The following VASH1 variants were observed in gnomAD, a reference collection of about 807,000 sequenced individuals.
The protein encoded by VASH1 is vasohibin 1.
VASH1 carries 16 observed loss-of-function variants against 35.0 expected under a neutral mutation model. The ratio of observed to expected loss-of-function variants is 0.46; its 90% CI spans 0.31 to 0.70. The LOEUF (loss-of-function observed/expected upper bound fraction) is 0.70, where lower values mean the gene tolerates loss of function less well. Among genes scored for constraint, VASH1 ranks in the 30% least tolerant of loss-of-function variants. VASH1 has a pLI of 0.05. For missense variants in VASH1, 505 were observed against 510.7 expected (o/e 0.99, Z 0.11); for synonymous variants, 214 against 200.9 (o/e 1.07, Z -0.55).
Position 76,762,689 on chromosome 14 carries a change from A to G in VASH1, c.-133A>G, listed in dbSNP as rs1893534406. 2.7e-6 allele frequency: 2 copies of G among 742,014 alleles called. No homozygotes were observed. Among genetic ancestry groups the G allele is most frequent in the African/African-American group, 1.8e-5 (1 of 55,498 alleles). The allele number at this position is 742,014 out of a possible 1,614,324, so 46.0% of individuals were successfully genotyped here. A position where few individuals can be genotyped will look rare whatever the true frequency, so the allele number is the denominator to read the frequency against. ...TTTTTATCAAGTCGTATTTTATTGT[A>G]CAGGAGCCACGCCCTGATTTCTTAA... On this transcript the variant is annotated 5_prime_UTR_variant, in exon 1 of 7. Coordinates refer to ENST00000167106, the MANE Select transcript of VASH1 (RefSeq NM_014909.5).
Position 76,778,315 on chromosome 14 carries a change from G to T in VASH1, c.1025+244G>T, listed in dbSNP as rs113975558. On this transcript the variant is annotated intron_variant, in intron 6 of 6. Coordinates refer to ENST00000167106, the MANE Select transcript of VASH1 (RefSeq NM_014909.5). ...CCACTAGTCTGAGCATGGGTTATGT[G>T]AGAGAAAAGGTAGAAAGGATGGGGC... 5.3e-3 allele frequency among the ~76,000 whole-genome samples: 814 copies of T among 152,282 alleles called. 6 individuals carry two copies. The highest frequency in any genetic ancestry group is 0.019 in the African/African-American group (788 of 41,568).
In VASH1 at chr14:76,779,250, C is replaced by G. The variant is rs1224059942; in HGVS notation, c.*232C>G. The G allele has an allele frequency of 2.9e-6, 2 of 698,916 alleles. No homozygotes were observed. The highest frequency in any genetic ancestry group is 5.2e-6 in the Non-Finnish European group (2 of 384,332). The allele number at this position is 698,916 out of a possible 1,614,324, so 43.3% of individuals were successfully genotyped here. A position where few individuals can be genotyped will look rare whatever the true frequency, so the allele number is the denominator to read the frequency against. ...TTATTTGGAGTTTTTAACTCTACAA[C>G]TGAAGTTTAAGGTATTTGGGGAAAA... On this transcript the variant is annotated 3_prime_UTR_variant, in exon 7 of 7. Transcript: ENST00000167106.
At chr14:76,767,536 C>T (rs981958776) in intron 1 of VASH1, among the ~76,000 whole-genome samples, 2 of 152,132 alleles carry the variant, frequency 1.3e-5, no homozygotes, top group Non-Finnish European at 2.9e-5. Context: ...AGGAGTGCTC[C>T]CTGGGGAGAT....
In VASH1 at chr14:76,779,234, GT is replaced by G; in HGVS notation, c.*221del. 1.4e-6 allele frequency: 1 copy of G among 694,020 alleles called. No homozygotes were observed. Among genetic ancestry groups the G allele is most frequent in the Non-Finnish European group, 2.6e-6 (1 of 383,154 alleles). 43.0% of individuals were successfully genotyped at this position (694,020 alleles called of 1,614,324 possible). A position where few individuals can be genotyped will look rare whatever the true frequency, so the allele number is the denominator to read the frequency against. ...AGAGGCCGTTAGTATTTTATTTGGA[GT>G]TTTTAACTCTACAACTGAAGTTTAA... On this transcript the variant is annotated 3_prime_UTR_variant, in exon 7 of 7. Coordinates refer to ENST00000167106, the MANE Select transcript of VASH1 (RefSeq NM_014909.5).
At chr14:76,774,615 C>T (rs72737516) in intron 4 of VASH1, 17,176 of 152,320 alleles carry the variant, frequency 0.11, 1,099 homozygotes, top group East Asian at 0.25. Flanking sequence ...TTCTCAGTGT[C>T]CCCACAGCTC....
chr14:76,763,014 G>C lies in VASH1; in HGVS notation c.193G>C (p.Gly65Arg), dbSNP rs577900620. Residue 65 changes from glycine (G) to arginine (R), a missense_variant, in exon 1 of 7, where the codon GGT (glycine) becomes CGT (arginine). By Grantham distance (125) the Gly-to-Arg change is moderately radical (BLOSUM62 -2). Transcript: ENST00000167106. ...DGGVPFFVNR[G>R]GLPVDEATWE... The stretch of plus-strand genomic sequence containing the variant: ...AGGCGTCCCCTTCTTTGTCAACCGG[G>C]GTGGGCTACCTGTGGATGAGGCCAC... 2.2e-5 allele frequency: 34 copies of C among 1,549,210 alleles called. No individual in the cohort carries two copies. In the South Asian group the frequency reaches 3.7e-4, roughly 17 times the overall value.
chr14:76,763,003 T>G lies in VASH1; in HGVS notation c.182T>G (p.Phe61Cys). Residue 61 changes from phenylalanine (F) to cysteine (C), a missense_variant, in exon 1 of 7, where the codon TTT becomes TGT. Coordinates refer to ENST00000167106, the MANE Select transcript of VASH1 (RefSeq NM_014909.5). Reference protein sequence around the residue: ...EDLRDGGVPFFVNRGGLPVDE... With the variant: ...EDLRDGGVPFCVNRGGLPVDE... Reference sequence around the variant, plus strand: ...CTGCGAGACGGAGGCGTCCCCTTCTTTGTCAACCGGGGTGGGCTACCTGTG... The same window carrying G: ...CTGCGAGACGGAGGCGTCCCCTTCTGTGTCAACCGGGGTGGGCTACCTGTG... 6.5e-7 allele frequency: 1 copy of G among 1,549,280 alleles called. No homozygotes were observed. Among genetic ancestry groups the G allele is most frequent in the African/African-American group, 1.4e-5 (1 of 73,282 alleles).
chr14:76,778,796 A>G, intron 6 of VASH1, 150 bp from the exon 7 acceptor site: 1 of 774,990 alleles, frequency 1.3e-6, no homozygotes, highest in African/African-American at 1.7e-5. Flanking sequence ...GGTGTCCAAA[A>G]ACACACTTCC....
At chr14:76,771,688 C>G (rs778503635) in intron 3 of VASH1, among the ~76,000 whole-genome samples, 2 of 152,210 alleles carry the variant, frequency 1.3e-5, no homozygotes, top group African/African-American at 2.4e-5. Flanking sequence ...CCCCATTTGC[C>G]TTACTCCGTG....
At chr14:76,765,383 C>G (rs1893615951) in intron 1 of VASH1, among the ~76,000 whole-genome samples, 3 of 152,176 alleles carry the variant, frequency 2.0e-5, no homozygotes, top group African/African-American at 7.2e-5. Context: ...TTGAACCTCC[C>G]CCTCTTCAAA....
chr14:76,767,170 A>G (rs149905865), intron 1 of VASH1, among the ~76,000 whole-genome samples: 224 of 152,094 alleles, frequency 1.5e-3, no homozygotes, highest in African/African-American at 5.1e-3. Context: ...ACTTGAACCC[A>G]GGAGATGAGG....
rs967994839 is a variant in VASH1, at chr14:76,763,187, G to T, written c.309+57G>T. The T allele has an allele frequency of 7.3e-6, 10 of 1,369,010 alleles. No individual in the cohort carries two copies. In the African/African-American group the frequency reaches 1.3e-4, roughly 18 times the overall value. 84.8% of individuals were successfully genotyped at this position (1,369,010 alleles called of 1,614,324 possible). ...CAGTCTAGGTTTTAGTGACCTTGGG[G>T]CCAAGAGTGAAGCCACACTCTCCTC... On this transcript the variant is annotated intron_variant, in intron 1 of 6. Coordinates refer to ENST00000167106, the MANE Select transcript of VASH1 (RefSeq NM_014909.5).
intron 1 of VASH1, 22 bp from the exon 2 acceptor site, chr14:76,769,941 G>A (rs760287772): frequency 1.2e-5 from 20 of 1,611,382 alleles, no homozygotes; most frequent in African/African-American, 1.2e-4. Context: ...TCTTGTGACC[G>A]GAGCTCTTTC....
intron 5 of VASH1, among the ~76,000 whole-genome samples, chr14:76,777,097 C>G (rs1214836160): frequency 6.6e-6 from 1 of 152,196 alleles, no homozygotes; most frequent in Non-Finnish European, 1.5e-5. Context: ...GATGGGGAAC[C>G]CAGGTGTGTT....
In VASH1 at chr14:76,768,518, C is replaced by A. The variant is rs79776251; in HGVS notation, c.310-1445C>A. Among the ~76,000 whole-genome samples, 497 of 152,234 alleles carry A rather than the reference C, an allele frequency of 3.3e-3. 5 individuals carry two copies. Among genetic ancestry groups the A allele is most frequent in the African/African-American group, 0.011 (474 of 41,536 alleles). The stretch of plus-strand genomic sequence containing the variant: ...GGCCCCTTCCCTCCTGCGTCTCCAC[C>A]CCTTAGAGGAGGTGTCTGTCAGACA... On this transcript the variant is annotated intron_variant, in intron 1 of 6. Coordinates refer to ENST00000167106, the MANE Select transcript of VASH1 (RefSeq NM_014909.5).
Position 76,776,297 on chromosome 14 carries a change from G to GCCCCCTCCCTCGCCCCCTCC in VASH1, c.912+28_912+47dup, listed in dbSNP as rs1281867441. 2.7e-6 allele frequency: 4 copies of GCCCCCTCCCTCGCCCCCTCC among 1,468,216 alleles called. No homozygotes were observed. In the South Asian group the frequency reaches 5.1e-5, roughly 19 times the overall value. 90.9% of individuals were successfully genotyped at this position (1,468,216 alleles called of 1,614,324 possible). A position where few individuals can be genotyped will look rare whatever the true frequency, so the allele number is the denominator to read the frequency against. On this transcript the variant is annotated intron_variant, in intron 5 of 6. Coordinates refer to ENST00000167106, the MANE Select transcript of VASH1 (RefSeq NM_014909.5). The stretch of plus-strand genomic sequence containing the variant: ...AGGTCTGCCCGCCTTCCACGCCCTC[G>GCCCCCTCCCTCGCCCCCTCC]CCCCCTCCCTCGCCCCCTCCCCCGC...
chr14:76,772,976 C>T (rs768945782), intron 3 of VASH1, among the ~76,000 whole-genome samples, 161 bp from the exon 4 acceptor site: 21 of 152,186 alleles, frequency 1.4e-4, no homozygotes, highest in African/African-American at 3.6e-4. Flanking sequence ...GACTTCCGTC[C>T]GTCGGGAGTG....
Position 76,766,724 on chromosome 14 carries a change from G to C in VASH1, c.310-3239G>C, listed in dbSNP as rs555808523. Among the ~76,000 whole-genome samples, 4 of 152,232 alleles carry C rather than the reference G, an allele frequency of 2.6e-5. No homozygotes were observed. The East Asian group carries it at 7.7e-4, about 29-fold the overall frequency. On this transcript the variant is annotated intron_variant, in intron 1 of 6. Transcript: ENST00000167106. ...CCCAAAGTGCTGGGATTACAGGCAG[G>C]AGCTACTACACCCAGCCTGGACATC...
At chr14:76,770,708 A>G (rs575070680) in intron 2 of VASH1, among the ~76,000 whole-genome samples, 2 of 152,222 alleles carry the variant, frequency 1.3e-5, no homozygotes, top group Admixed American at 1.3e-4. Context: ...CAGAGATGGG[A>G]GAGCTAGGCA....
Sources: allele counts gnomAD v4.1 joint callset (sites outside exome capture counted in the v4.1 genomes callset), GRCh38; gene constraint gnomAD v4.1.1; transcripts MANE v1.5; gene names NCBI Gene and HGNC (gene_info 2026-07-23, HGNC 2026-07-21).